Variants in KIF13A observed in about 807,000 individuals in gnomAD.
KIF13A encodes the protein kinesin family member 13A.
Under a neutral mutation model 212.2 loss-of-function variants are expected in KIF13A, and 79 were observed. The ratio of observed to expected loss-of-function variants is 0.37; its 90% CI spans 0.31 to 0.45. The LOEUF (loss-of-function observed/expected upper bound fraction) is 0.45, where lower values mean the gene tolerates loss of function less well. Ranked by LOEUF, KIF13A falls within the 20% of genes least tolerant of loss-of-function variation. The pLI, the probability that KIF13A is intolerant of heterozygous loss-of-function variation, is 1.00. For missense variants in KIF13A, 1,901 were observed against 2,209.0 expected, an observed-to-expected ratio of 0.86 and a Z score of 2.79; for synonymous variants, 789 against 808.6, an observed-to-expected ratio of 0.98 and a Z score of 0.41.
intron 2 of KIF13A, among the ~76,000 whole-genome samples, chr6:17,922,994 AGGCATG>A (rs1358891364): frequency 6.6e-6 from 1 of 151,918 alleles, no homozygotes; most frequent in Non-Finnish European, 1.5e-5. Context: ...AAGCAAGGCC[AGGCATG>A]GTGGTTCACG....
chr6:17,809,153 C>T lies in KIF13A; in HGVS notation c.2001-223G>A, dbSNP rs189199409. 3.9e-5 allele frequency among the ~76,000 whole-genome samples: 6 copies of T among 152,202 alleles called. No individual in the cohort carries two copies. The highest frequency in any genetic ancestry group is 7.2e-5 in the African/African-American group (3 of 41,538). ...TGTTGAGCAACTTAACTGAAAACCA[C>T]GTTTTAAATTATGTAACACGTGAAA... On this transcript the variant is annotated intron_variant, in intron 17 of 38. Coordinates refer to ENST00000259711, the MANE Select transcript of KIF13A (RefSeq NM_022113.6). This position sits in a 1 kb window ranked among gnomAD's most constrained non-coding sequence, Gnocchi z 4.7.
chr6:17,796,790 G>A lies in KIF13A; in HGVS notation c.2821C>T (p.Leu941=). Residue 941 remains leucine, a synonymous_variant, in exon 23 of 39, where the codon CTG becomes TTG. Transcript: ENST00000259711. ...AGTGCTCCATCTGAAATGAACTCCAGAAATTCTTCTGTTACATTCACCACA... is the reference window on the plus strand; with the variant it reads ...AGTGCTCCATCTGAAATGAACTCCAAAAATTCTTCTGTTACATTCACCACA... ...DYVVNVTEEF[L]EFISDGALAI... 3.8e-6 allele frequency: 6 copies of A among 1,574,626 alleles called. No individual in the cohort carries two copies. Among genetic ancestry groups the A allele is most frequent in the Non-Finnish European group, 5.2e-6 (6 of 1,157,748 alleles).
At chr6:17,924,242 C>G (rs1775312117) in intron 2 of KIF13A, among the ~76,000 whole-genome samples, 1 of 152,154 alleles carries the variant, frequency 6.6e-6, no homozygotes, top group Non-Finnish European at 1.5e-5. Context: ...CAGATTCCAG[C>G]AGGACCCATA....
chr6:17,874,999 G>GCACACACA (rs1554188630), intron 3 of KIF13A, among the ~76,000 whole-genome samples: 39,034 of 120,052 alleles, frequency 0.33, 5,950 homozygotes, highest in Non-Finnish European at 0.4. Flanking sequence ...ACACGCACAC[G>GCACACACA]CACGCACACA....
chr6:17,893,177 T>C (rs1229483577), intron 3 of KIF13A, among the ~76,000 whole-genome samples: 1 of 152,156 alleles, frequency 6.6e-6, no homozygotes, highest in African/African-American at 2.4e-5. Flanking sequence ...GTGTCAAGAG[T>C]GCTGTGGGTA....
rs895401331 is a variant in KIF13A, at chr6:17,865,331, A to AT, written c.220+8045_220+8046insA. On this transcript the variant is annotated intron_variant, in intron 4 of 38. Transcript: ENST00000259711. ...ATCAGAGTAGAGAGAGAGAGGAAAAAAAAAAAATAAAGGCTGGGCTCACTA... is the reference window on the plus strand; with the variant it reads ...ATCAGAGTAGAGAGAGAGAGGAAAAATAAAAAAATAAAGGCTGGGCTCACTA... Among the ~76,000 whole-genome samples the AT allele has an allele frequency of 4.1e-4, 47 of 114,562 alleles. 1 individual carries two copies. The highest frequency in any genetic ancestry group is 9.0e-4 in the Admixed American group (11 of 12,162). 75.2% of individuals were successfully genotyped at this position (114,562 alleles called of 152,430 possible). A position where few individuals can be genotyped will look rare whatever the true frequency, so the allele number is the denominator to read the frequency against.
intron 38 of KIF13A, among the ~76,000 whole-genome samples, chr6:17,767,191 T>G (rs113609522): frequency 0.02 from 3,106 of 152,282 alleles, 49 homozygotes; most frequent in Non-Finnish European, 0.026. Context: ...CAGAATTGTC[T>G]GAACCAGTAG....
In KIF13A at chr6:17,764,975, T is replaced by C; in HGVS notation, c.4582-29A>G. ...TAGAAGTGAAGCAAAAGTCAGTCAT[T>C]AGCTCCTTGTAGCAACTGTACTGTT... On this transcript the variant is annotated intron_variant, in intron 38 of 38. Coordinates refer to ENST00000259711, the MANE Select transcript of KIF13A (RefSeq NM_022113.6). This position sits in a 1 kb window ranked among gnomAD's most constrained non-coding sequence, Gnocchi z 5.1. 21 of 1,511,824 alleles carry C rather than the reference T, an allele frequency of 1.4e-5. No individual in the cohort carries two copies. The highest frequency in any genetic ancestry group is 1.9e-5 in the Non-Finnish European group (21 of 1,114,414). 93.7% of individuals were successfully genotyped at this position (1,511,824 alleles called of 1,614,324 possible). A position where few individuals can be genotyped will look rare whatever the true frequency, so the allele number is the denominator to read the frequency against.
rs1763255240 is a variant in KIF13A, at chr6:17,809,542, T to C, written c.2001-612A>G. ...TGCCATAGTTAGAACTTTTCATTTT[T>C]ACTCGTATAATTATTTGTTTAATAT... On this transcript the variant is annotated intron_variant, in intron 17 of 38. Coordinates refer to ENST00000259711, the MANE Select transcript of KIF13A (RefSeq NM_022113.6). The surrounding 1 kb of genome is among the most constrained non-coding windows in gnomAD (Gnocchi z 4.7). 6.6e-6 allele frequency among the ~76,000 whole-genome samples: 1 copy of C among 152,248 alleles called. No individual in the cohort carries two copies. Among genetic ancestry groups the C allele is most frequent in the African/African-American group, 2.4e-5 (1 of 41,468 alleles).
intron 2 of KIF13A, among the ~76,000 whole-genome samples, chr6:17,938,092 A>T (rs1320039379): frequency 6.6e-6 from 1 of 151,724 alleles, no homozygotes; most frequent in South Asian, 2.1e-4. Context: ...ATGGGGACTC[A>T]CTATGTTGCC....
chr6:17,867,745 T>C (rs964353372), intron 4 of KIF13A, among the ~76,000 whole-genome samples: 7 of 152,244 alleles, frequency 4.6e-5, no homozygotes, highest in African/African-American at 1.7e-4. Context: ...CAAATTAATA[T>C]TGTAGAACTC....
At chr6:17,793,793 A>C (rs1307324695) in intron 25 of KIF13A, among the ~76,000 whole-genome samples, 1 of 152,022 alleles carries the variant, frequency 6.6e-6, no homozygotes, top group Non-Finnish European at 1.5e-5. Flanking sequence ...GTGTGCTTGT[A>C]GTCCCAGCTA....
chr6:17,777,150 A>C lies in KIF13A; in HGVS notation c.4170+127T>G. 2 of 714,652 alleles carry C rather than the reference A, an allele frequency of 2.8e-6. No individual in the cohort carries two copies. The highest frequency in any genetic ancestry group is 5.0e-6 in the Non-Finnish European group (2 of 397,788). 44.3% of individuals were successfully genotyped at this position (714,652 alleles called of 1,614,324 possible). On this transcript the variant is annotated intron_variant, in intron 34 of 38. Coordinates refer to ENST00000259711, the MANE Select transcript of KIF13A (RefSeq NM_022113.6). This position sits in a 1 kb window ranked among gnomAD's most constrained non-coding sequence, Gnocchi z 4.4. ...GTGTGTGTCCCTGGTACAGAGAAGCAGGCTACACTTTGGGATGCCCACACC... is the reference window on the plus strand; with the variant it reads ...GTGTGTGTCCCTGGTACAGAGAAGCCGGCTACACTTTGGGATGCCCACACC...
At chr6:17,946,580 A>G (rs959032354) in intron 2 of KIF13A, among the ~76,000 whole-genome samples, 2 of 152,256 alleles carry the variant, frequency 1.3e-5, no homozygotes, top group African/African-American at 4.8e-5. Context: ...TAAAACCACA[A>G]TAAAATATCA....
intron 13 of KIF13A, among the ~76,000 whole-genome samples, chr6:17,830,675 G>T (rs1413746690): frequency 6.6e-6 from 1 of 152,144 alleles, no homozygotes; most frequent in African/African-American, 2.4e-5. Flanking sequence ...ATTTAATCTA[G>T]GACGAGGGTC....
chr6:17,791,881 CAG>C (rs572624969), intron 25 of KIF13A, among the ~76,000 whole-genome samples: 3 of 125,202 alleles, frequency 2.4e-5, no homozygotes, highest in Non-Finnish European at 4.8e-5. Context: ...GCCTGGGTGA[CAG>C]AGAGAGAGAC....
intron 2 of KIF13A, among the ~76,000 whole-genome samples, chr6:17,969,566 C>T (rs971161349): frequency 6.6e-6 from 1 of 152,160 alleles, no homozygotes; most frequent in Admixed American, 6.6e-5. Context: ...TTTTATTTTT[C>T]TTCCTGAGGC....
chr6:17,931,931 T>G (rs1405670868), intron 2 of KIF13A, among the ~76,000 whole-genome samples: 1 of 152,222 alleles, frequency 6.6e-6, no homozygotes, highest in Non-Finnish European at 1.5e-5. Context: ...CCTTCTAGAT[T>G]TGTTTCTATG....
Position 17,934,764 on chromosome 6 carries a change from G to T in KIF13A, c.147-36584C>A, listed in dbSNP as rs1279641328. ...GACTGCACCACTGACTCCAGCCTGGGCAACCAAGCAATACCCTGTCTCCAA... is the reference window on the plus strand; with the variant it reads ...GACTGCACCACTGACTCCAGCCTGGTCAACCAAGCAATACCCTGTCTCCAA... On this transcript the variant is annotated intron_variant, in intron 2 of 38. Transcript: ENST00000259711. The surrounding 1 kb of genome is among the most constrained non-coding windows in gnomAD (Gnocchi z 5.4). Among the ~76,000 whole-genome samples, 1 of 148,956 alleles carries T rather than the reference G, an allele frequency of 6.7e-6. No homozygotes were observed. Among genetic ancestry groups the T allele is most frequent in the Non-Finnish European group, 1.5e-5 (1 of 67,302 alleles).
Sources: allele counts gnomAD v4.1 joint callset (sites outside exome capture counted in the v4.1 genomes callset), GRCh38; gene constraint gnomAD v4.1.1; non-coding constraint Gnocchi (gnomAD v3.1); transcripts MANE v1.5; gene names NCBI Gene and HGNC (gene_info 2026-07-23, HGNC 2026-07-21).